The following NYAP2 variants were observed in gnomAD, a reference collection of about 807,000 sequenced individuals.
The protein encoded by NYAP2 is neuronal tyrosine-phosphorylated phosphoinositide-3-kinase adapter 2.
NYAP2 carries 23 observed loss-of-function variants against 50.4 expected under a neutral mutation model. The observed-to-expected ratio is 0.46, with a 90% CI of 0.33 to 0.65. The LOEUF is 0.65. Among genes scored for constraint, NYAP2 ranks in the 30% least tolerant of loss-of-function variants. NYAP2 has a pLI of 0.02. For synonymous variants in NYAP2, 394 were observed against 365.2 expected, an observed-to-expected ratio of 1.08 and a Z score of -0.90; for missense variants, 885 against 861.0, an observed-to-expected ratio of 1.03 and a Z score of -0.35.
chr2:225,400,301 A>T (rs537756874), intron 1 of NYAP2, 46 bp downstream of exon 1: 3 of 151,836 alleles, frequency 2.0e-5, no homozygotes, highest in Admixed American at 2.0e-4. Context: ...CAGCAGCTTC[A>T]ACAGACTAAG....
downstream of NYAP2, among the ~76,000 whole-genome samples, chr2:225,657,269 C>T (rs1693844615): frequency 6.6e-6 from 1 of 151,948 alleles, no homozygotes; most frequent in South Asian, 2.1e-4. Context: ...GCCACCACAC[C>T]AGGCTAAATT....
chr2:225,573,694 A>T (rs1179124677), intron 4 of NYAP2, among the ~76,000 whole-genome samples: 1 of 152,102 alleles, frequency 6.6e-6, no homozygotes, highest in Non-Finnish European at 1.5e-5. Flanking sequence ...AGAATGCTTC[A>T]CTCACATGTC....
At chr2:225,627,511 T>TA (rs1487155788) in intron 6 of NYAP2, among the ~76,000 whole-genome samples, 1 of 152,080 alleles carries the variant, frequency 6.6e-6, no homozygotes, top group Non-Finnish European at 1.5e-5. Context: ...GGGCAACTGA[T>TA]AAAAAATGAA....
At chr2:225,458,571 C>G (rs907148224) in intron 3 of NYAP2, among the ~76,000 whole-genome samples, 4 of 152,160 alleles carry the variant, frequency 2.6e-5, no homozygotes, top group African/African-American at 9.7e-5. Context: ...GGAAACAGAA[C>G]TCTGAGTTCT....
Position 225,626,940 on chromosome 2 carries a change from C to T in NYAP2, c.1642C>T (p.Arg548Ter), listed in dbSNP as rs766009145. The T allele has an allele frequency of 1.3e-6, 2 of 1,578,416 alleles. No homozygotes were observed. Among genetic ancestry groups the T allele is most frequent in the Non-Finnish European group, 8.6e-7 (1 of 1,162,146 alleles). The change falls in exon 6 of 7, where the codon CGA becomes TGA. Residue 548 changes from arginine (R) to a stop codon, truncating the protein, a stop_gained. Coordinates refer to ENST00000636099, the Ensembl canonical transcript of NYAP2. LOFTEE classifies it high-confidence loss of function. ...AGAATCAACAGAGGAACTGAAAGTC[C>T]GAAGCCACAGCACGGAGCCATTACC...
At chr2:225,656,809 G>A (rs138024080), downstream of NYAP2, among the ~76,000 whole-genome samples, 347 of 152,186 alleles carry the variant, frequency 2.3e-3, 4 homozygotes, top group African/African-American at 5.9e-3. Context: ...AATGCCCAGC[G>A]CAAAGTGAGG....
chr2:225,544,206 A>C (rs1691526030), intron 4 of NYAP2, among the ~76,000 whole-genome samples: 1 of 149,742 alleles, frequency 6.7e-6, no homozygotes, highest in East Asian at 1.9e-4. Context: ...TCTTATAGAA[A>C]GCAGATGATT....
chr2:225,494,805 C>A (rs1690472422), intron 3 of NYAP2, among the ~76,000 whole-genome samples: 1 of 152,142 alleles, frequency 6.6e-6, no homozygotes. Flanking sequence ...GGTGGCTGCT[C>A]ACAGCTTGTA....
chr2:225,471,011 G>T (rs1399264602), intron 3 of NYAP2, among the ~76,000 whole-genome samples: 2 of 152,102 alleles, frequency 1.3e-5, no homozygotes, highest in Non-Finnish European at 2.9e-5. Context: ...TTATTAATAT[G>T]CTTCCTTATC....
rs923710954 is a variant in NYAP2, at chr2:225,515,823, A to C, written c.523+2151A>C. 5.3e-5 allele frequency among the ~76,000 whole-genome samples: 8 copies of C among 152,170 alleles called. No homozygotes were observed. In the East Asian group the frequency reaches 1.5e-3, roughly 29 times the overall value. On this transcript the variant is annotated intron_variant, in intron 4 of 6. Coordinates refer to ENST00000636099, the Ensembl canonical transcript of NYAP2. ...GTTAGATTGTTTTCAAAAGAAAATT[A>C]CTGATTTAAGAAAGTGATCACTGAA...
chr2:225,630,853 G>A (rs1425658094), intron 6 of NYAP2, among the ~76,000 whole-genome samples: 4 of 152,236 alleles, frequency 2.6e-5, no homozygotes, highest in Non-Finnish European at 5.9e-5. Context: ...GTCAATGTGA[G>A]ATGCGGAGCA....
intron 2 of NYAP2, among the ~76,000 whole-genome samples, chr2:225,406,732 T>C (rs1694946082): frequency 6.6e-6 from 1 of 152,162 alleles, no homozygotes; most frequent in South Asian, 2.1e-4. Flanking sequence ...AATGCATCTT[T>C]CTATAGTGTA....
chr2:225,411,748 C>T (rs1398065121), intron 3 of NYAP2, among the ~76,000 whole-genome samples: 2 of 151,738 alleles, frequency 1.3e-5, no homozygotes, highest in South Asian at 2.1e-4. Flanking sequence ...GTGTCAAAAG[C>T]GATTAAAGAA....
chr2:225,552,801 C>T (rs2106210788), intron 4 of NYAP2, among the ~76,000 whole-genome samples: 1 of 152,300 alleles, frequency 6.6e-6, no homozygotes, highest in South Asian at 2.1e-4. Context: ...AGTGATTCTT[C>T]CTCAGCCTCC....
chr2:225,436,709 C>A (rs1291087434), intron 3 of NYAP2, among the ~76,000 whole-genome samples: 1 of 148,928 alleles, frequency 6.7e-6, no homozygotes, highest in Non-Finnish European at 1.5e-5. Context: ...AACTCTCTAA[C>A]CTAACTCTGA....
At chr2:225,636,123 C>G (rs536921543) in intron 6 of NYAP2, among the ~76,000 whole-genome samples, 1 of 152,188 alleles carries the variant, frequency 6.6e-6, no homozygotes, top group South Asian at 2.1e-4. Flanking sequence ...ATAAAACAAC[C>G]AATTATTCCA....
intron 4 of NYAP2, among the ~76,000 whole-genome samples, chr2:225,542,389 G>A (rs1184602288): frequency 1.3e-5 from 2 of 152,098 alleles, no homozygotes; most frequent in African/African-American, 4.8e-5. Flanking sequence ...CATTCAGTAT[G>A]ACACTAGCTG....
At chr2:225,475,834 T>A (rs1690095047) in intron 3 of NYAP2, among the ~76,000 whole-genome samples, 2 of 152,334 alleles carry the variant, frequency 1.3e-5, no homozygotes, top group South Asian at 4.1e-4. Context: ...ATAAAAGCTA[T>A]TTATTTAGAA....
chr2:225,441,365 T>C (rs935784976), intron 3 of NYAP2, among the ~76,000 whole-genome samples: 1 of 152,224 alleles, frequency 6.6e-6, no homozygotes, highest in African/African-American at 2.4e-5. Flanking sequence ...GGTCATTTCA[T>C]GTAAAGGCAC....
Sources: gnomAD v4.1 joint callset for allele counts (sites outside exome capture counted in the v4.1 genomes callset) on GRCh38, gnomAD v4.1.1 for gene constraint, MANE v1.5 for transcripts, NCBI Gene and HGNC (gene_info 2026-07-23, HGNC 2026-07-21) for gene names.